The following RAB5IF variants were observed in gnomAD, a reference collection of about 807,000 sequenced individuals.
RAB5IF encodes RAB5 interacting factor.
RAB5IF carries 15 observed loss-of-function variants against 20.3 expected under a neutral mutation model. The observed-to-expected ratio is 0.74, with a 90% CI of 0.50 to 1.14. RAB5IF has a LOEUF of 1.14. Ranked by LOEUF, RAB5IF falls within the 50% of genes most tolerant of loss-of-function variation. The pLI is 0.00. For synonymous variants in RAB5IF, 67 were observed against 63.7 expected, an observed-to-expected ratio of 1.05 and a Z score of -0.25; for missense variants, 148 against 159.5, an observed-to-expected ratio of 0.93 and a Z score of 0.39.
At chr20:36,608,390 G>A (rs1465316853) in intron 2 of RAB5IF, among the ~76,000 whole-genome samples, 1 of 151,924 alleles carries the variant, frequency 6.6e-6, no homozygotes, top group Non-Finnish European at 1.5e-5. Flanking sequence ...AACTACAGGT[G>A]TGAGCCACCA....
rs1568595484 is a variant in RAB5IF, at chr20:36,609,195, GCACACACGC to G, written c.219-405_219-397del. 1.0e-3 allele frequency among the ~76,000 whole-genome samples: 34 copies of G among 34,042 alleles called. 7 individuals carry two copies. Among genetic ancestry groups the G allele is most frequent in the Non-Finnish European group, 1.6e-3 (30 of 18,466 alleles). The allele number at this position is 34,042 out of a possible 152,430, so 22.3% of individuals were successfully genotyped here. ...CACACACACACACACACACACACAC[GCACACACGC>G]ACACACGCACACACGCACACACACA... On this transcript the variant is annotated intron_variant, in intron 2 of 3. Coordinates refer to ENST00000344795, the MANE Select transcript of RAB5IF (RefSeq NM_018840.5).
intron 2 of RAB5IF, among the ~76,000 whole-genome samples, chr20:36,608,556 CTTTTTTTTTTTTTTT>C (rs34058641): frequency 9.5e-6 from 1 of 104,888 alleles, no homozygotes; most frequent in Non-Finnish European, 2.0e-5. Flanking sequence ...CGGTCTCATT[CTTTTTTTTTTTTTTT>C]TTTTTTTTTA....
chr20:36,606,040 G>C lies in RAB5IF; in HGVS notation c.89G>C (p.Arg30Pro). 6.6e-7 allele frequency: 1 copy of C among 1,517,712 alleles called. No homozygotes were observed. The highest frequency in any genetic ancestry group is 8.9e-7 in the Non-Finnish European group (1 of 1,127,846). 94.0% of individuals were successfully genotyped at this position (1,517,712 alleles called of 1,614,324 possible). ...GTCTCCGTCTGGAGTAAGGTGCTGC[G>C]GAGCGACGCGGCCTGGGAGGATAAG... is the stretch of plus-strand genomic sequence containing the variant. The part of the protein sequence containing the change: ...LKVSVWSKVL[R>P]SDAAWEDKDE... Residue 30 changes from arginine to proline, a missense_variant, in exon 1 of 4, where the codon CGG becomes CCG. Transcript: ENST00000344795.
chr20:36,612,192 C>T lies in RAB5IF; in HGVS notation c.*141C>T, dbSNP rs1284681298. ...CTGGACCGCGAATCAGTGTGTTGGG[C>T]ATCAGTGTTTTCTGCAAGGGTTGTG... On this transcript the variant is annotated 3_prime_UTR_variant, in exon 4 of 4. Transcript: ENST00000344795. 2 of 1,614,100 alleles carry T rather than the reference C, an allele frequency of 1.2e-6. No homozygotes were observed. Among genetic ancestry groups the T allele is most frequent in the Non-Finnish European group, 1.7e-6 (2 of 1,180,058 alleles).
At chr20:36,608,219 G>T in intron 2 of RAB5IF, 1 of 280,184 alleles carries the variant, frequency 3.6e-6, no homozygotes, top group African/African-American at 2.2e-5. Context: ...CCTAAACCTT[G>T]GCTTTGGTAG....
At chr20:36,609,195 G>GCA (rs1179707974) in intron 2 of RAB5IF, among the ~76,000 whole-genome samples, 1 of 34,004 alleles carries the variant, frequency 2.9e-5, no homozygotes, top group Admixed American at 3.3e-4. Flanking sequence ...ACACACACAC[G>GCA]CACACACGCA....
At chr20:36,607,541 C>A (rs1009010881) in intron 1 of RAB5IF, among the ~76,000 whole-genome samples, 174 bp from the exon 2 acceptor site, 21 of 152,128 alleles carry the variant, frequency 1.4e-4, no homozygotes, top group African/African-American at 4.6e-4. Flanking sequence ...CTAAATGTAT[C>A]ATTTCTACCA....
intron 2 of RAB5IF, among the ~76,000 whole-genome samples, chr20:36,609,162 C>CATAT (rs1354660617): frequency 3.6e-4 from 4 of 11,192 alleles, no homozygotes; most frequent in African/African-American, 6.3e-4. Context: ...ATATTACACA[C>CATAT]ACACACACAC....
intron 1 of RAB5IF, among the ~76,000 whole-genome samples, chr20:36,606,278 CT>C (rs1311901357): frequency 6.6e-6 from 1 of 152,200 alleles, no homozygotes; most frequent in Admixed American, 6.5e-5. Flanking sequence ...ATGAAGCCCC[CT>C]AGTTATGCGG....
Position 36,607,737 on chromosome 20 carries a change from A to G in RAB5IF, c.137A>G (p.Tyr46Cys), listed in dbSNP as rs200467555. ...CAGGATGAATTTTTAGATGTGATCT[A>G]CTGGTTCCGACAGATCATTGCTGTG... Reference protein sequence around the residue: ...EDKDEFLDVIYWFRQIIAVVL... With the variant: ...EDKDEFLDVICWFRQIIAVVL... Residue 46 changes from tyrosine to cysteine, a missense_variant, in exon 2 of 4, where the codon TAC becomes TGC. Coordinates refer to ENST00000344795, the MANE Select transcript of RAB5IF (RefSeq NM_018840.5). The G allele has an allele frequency of 2.5e-6, 4 of 1,614,112 alleles. No individual in the cohort carries two copies. Among genetic ancestry groups the G allele is most frequent in the South Asian group, 1.1e-5 (1 of 91,088 alleles).
At position 36,612,349 on chromosome 20, in the gene RAB5IF, G is replaced by A; in HGVS notation, c.*298G>A. 1.2e-6 allele frequency: 1 copy of A among 840,746 alleles called. No individual in the cohort carries two copies. The highest frequency in any genetic ancestry group is 2.0e-6 in the Non-Finnish European group (1 of 506,326). 52.1% of individuals were successfully genotyped at this position (840,746 alleles called of 1,614,324 possible). The stretch of plus-strand genomic sequence containing the variant: ...AAGTGGAGCTGTCATTTAATTTGAT[G>A]CACCTCTGGATTCAGATGAAACATT... On this transcript the variant is annotated 3_prime_UTR_variant, in exon 4 of 4. Coordinates refer to ENST00000344795, the MANE Select transcript of RAB5IF (RefSeq NM_018840.5).
intron 2 of RAB5IF, among the ~76,000 whole-genome samples, chr20:36,609,255 A>ACTCT (rs2039045013): frequency 8.6e-6 from 1 of 116,434 alleles, no homozygotes; most frequent in Non-Finnish European, 1.8e-5. Context: ...ACACACACAC[A>ACTCT]CTATATATAG....
At chr20:36,608,724 C>T (rs1014983455) in intron 2 of RAB5IF, among the ~76,000 whole-genome samples, 4 of 151,852 alleles carry the variant, frequency 2.6e-5, no homozygotes, top group South Asian at 4.2e-4. Context: ...CCCCCATGCC[C>T]GGCTTATTTT....
chr20:36,612,337 A>G lies in RAB5IF; in HGVS notation c.*286A>G, dbSNP rs2039145128. 1 of 903,756 alleles carries G rather than the reference A, an allele frequency of 1.1e-6. No individual in the cohort carries two copies. Among genetic ancestry groups the G allele is most frequent in the Non-Finnish European group, 1.8e-6 (1 of 556,924 alleles). The allele number at this position is 903,756 out of a possible 1,614,324, so 56.0% of individuals were successfully genotyped here. On this transcript the variant is annotated 3_prime_UTR_variant, in exon 4 of 4. Transcript: ENST00000344795. Reference sequence around the variant, plus strand: ...CTATTATTTGCCAAGTGGAGCTGTCATTTAATTTGATGCACCTCTGGATTC... The same window carrying G: ...CTATTATTTGCCAAGTGGAGCTGTCGTTTAATTTGATGCACCTCTGGATTC...
At position 36,609,254 on chromosome 20, in the gene RAB5IF, CACTA is replaced by C. The variant is rs1568595797; in HGVS notation, c.219-346_219-343del. Among the ~76,000 whole-genome samples the C allele has an allele frequency of 1.2e-3, 163 of 135,266 alleles. 3 individuals are homozygous for C. The highest frequency in any genetic ancestry group is 3.1e-3 in the African/African-American group (95 of 31,028). 88.7% of individuals were successfully genotyped at this position (135,266 alleles called of 152,430 possible). A position where few individuals can be genotyped will look rare whatever the true frequency, so the allele number is the denominator to read the frequency against. ...ACACACACACACACACACACACACA[CACTA>C]TATATAGAGTTTCGCTGTTGCCCAG... On this transcript the variant is annotated intron_variant, in intron 2 of 3. Transcript: ENST00000344795.
In RAB5IF at chr20:36,612,020, T is replaced by C. The variant is rs138244240; in HGVS notation, c.359T>C (p.Ile120Thr). 2 of 1,614,176 alleles carry C rather than the reference T, an allele frequency of 1.2e-6. No individual in the cohort carries two copies. The highest frequency in any genetic ancestry group is 4.5e-5 in the East Asian group (2 of 44,880). Residue 120 changes from isoleucine to threonine, a missense_variant, in exon 4 of 4, where the codon ATC becomes ACC. Physicochemically the swap from Ile to Thr is moderately conservative, Grantham distance 89. Transcript: ENST00000344795. ...TTGTCTCCTCACTAGGTCATTTGGA[T>C]CATCTTTTACACTGCCATCCATTAT... ...TSFALFMVIW[I>T]IFYTAIHYD
At chr20:36,606,121 A>G in intron 1 of RAB5IF, 56 bp downstream of exon 1, 1 of 1,089,876 alleles carries the variant, frequency 9.2e-7, no homozygotes, top group Non-Finnish European at 1.3e-6. Flanking sequence ...GACTCGGGGA[A>G]CGGAAGACTG....
intron 2 of RAB5IF, among the ~76,000 whole-genome samples, chr20:36,609,241 ACACACACACACACACT>A (rs2039040686): frequency 7.6e-6 from 1 of 131,756 alleles, no homozygotes; most frequent in South Asian, 2.4e-4. Context: ...ACACACACAC[ACACACACACACACACT>A]ATATATAGAG....
Position 36,607,807 on chromosome 20 carries a change from G to C in RAB5IF, c.207G>C (p.Leu69Phe). The C allele has an allele frequency of 1.9e-6, 3 of 1,613,828 alleles. No homozygotes were observed. Among genetic ancestry groups the C allele is most frequent in the Non-Finnish European group, 2.5e-6 (3 of 1,179,834 alleles). The part of the protein sequence containing the change: ...IWGVLPLRGF[L>F]GIAGFCLINA... ...GAGTTTTGCCATTACGAGGGTTCTT[G>C]GGAATAGCAGGGTAAGTCTTGGGTA... is the stretch of plus-strand genomic sequence containing the variant. Residue 69 changes from leucine to phenylalanine, a missense_variant, in exon 2 of 4, where the codon TTG (leucine) becomes TTC (phenylalanine). Leu to Phe is a conservative substitution (Grantham distance 22). Coordinates refer to ENST00000344795, the MANE Select transcript of RAB5IF (RefSeq NM_018840.5).
Sources: gnomAD v4.1 joint callset for allele counts (sites outside exome capture counted in the v4.1 genomes callset) on GRCh38, gnomAD v4.1.1 for gene constraint, MANE v1.5 for transcripts, NCBI Gene and HGNC (gene_info 2026-07-23, HGNC 2026-07-21) for gene names.